The following BCAN variants were observed in gnomAD, a reference collection of about 807,000 sequenced individuals.
BCAN encodes the protein brevican.
A neutral mutation model predicts 92.4 loss-of-function variants in BCAN; 51 were observed. The ratio of observed to expected loss-of-function variants is 0.55; its 90% CI spans 0.44 to 0.70. BCAN has a LOEUF of 0.70. Among genes scored for constraint, BCAN ranks in the 30% least tolerant of loss-of-function variants. The pLI, the probability that BCAN is intolerant of heterozygous loss-of-function variation, is 0.00. For missense variants in BCAN, 1,140 were observed against 1,212.1 expected (o/e 0.94, Z 0.88); for synonymous variants, 501 against 505.2 (o/e 0.99, Z 0.11).
Position 156,657,020 on chromosome 1 carries a change from G to A in BCAN, c.2133G>A (p.Glu711=). 6.2e-7 allele frequency: 1 copy of A among 1,614,232 alleles called. No individual in the cohort carries two copies. Among genetic ancestry groups the A allele is most frequent in the South Asian group, 1.1e-5 (1 of 91,088 alleles). ...TTTCCACACGAAGGAGCTGGGAGGA[G>A]GCAGAGACCCAGTGCCGGATGTACG... ...KHFSTRRSWE[E]AETQCRMYGA... The change falls in exon 10 of 14, where the codon GAG becomes GAA. Residue 711 remains glutamate (E), a synonymous_variant. Transcript: ENST00000329117.
intron 8 of BCAN, 147 bp downstream of exon 8, chr1:156,653,039 C>G (rs543422308): frequency 9.3e-6 from 14 of 1,501,638 alleles, no homozygotes; most frequent in Non-Finnish European, 1.1e-5. Context: ...CCACCTCTAC[C>G]TATGGGTCTC....
Position 156,658,685 on chromosome 1 carries a change from G to T in BCAN, c.2580G>T (p.Glu860Asp), listed in dbSNP as rs1286378381. ...QRNLPLIRCQ[E>D]NGRWEAPQIS... is the part of the protein sequence containing the mutation. ...ATCTGCCGCTGATCCGATGCCAAGA[G>T]AACGGTCGTTGGGAGGCCCCCCAGA... is the stretch of plus-strand genomic sequence containing the variant. Residue 860 changes from glutamate to aspartate, a missense_variant, in exon 13 of 14, where the codon GAG (glutamate) becomes GAT (aspartate). This residue lies in a region of BCAN where 825 missense variants were observed against 871.8 expected (regional missense o/e 0.95). Coordinates refer to ENST00000329117, the MANE Select transcript of BCAN (RefSeq NM_021948.5). The surrounding 1 kb of genome is among the most constrained non-coding windows in gnomAD (Gnocchi z 4.4). The T allele has an allele frequency of 6.2e-7, 1 of 1,614,170 alleles. No homozygotes were observed. Among genetic ancestry groups the T allele is most frequent in the Non-Finnish European group, 8.5e-7 (1 of 1,180,052 alleles).
intron 2 of BCAN, 144 bp from the exon 3 acceptor site, chr1:156,646,656 GC>G: frequency 3.4e-6 from 2 of 583,832 alleles, no homozygotes; most frequent in South Asian, 4.3e-5. Flanking sequence ...CAGGACCCTG[GC>G]CCCTGGCCCC....
At chr1:156,653,457 A>G (rs781415627) in intron 8 of BCAN, 5 of 988,274 alleles carry the variant, frequency 5.1e-6, no homozygotes, top group Non-Finnish European at 6.0e-6. Flanking sequence ...TCTCTATTAA[A>G]CCGCTTTGTA....
rs878881650 is a variant in BCAN, at chr1:156,658,855, AG to A, written c.2628+124del. ...TTGGAGCCATCACTGCCCCTCTCTG[AG>A]GCAAAGGGGAAGAGGTGGGCTGGAG... On this transcript the variant is annotated intron_variant, in intron 13 of 13. Transcript: ENST00000329117. This position sits in a 1 kb window ranked among gnomAD's most constrained non-coding sequence, Gnocchi z 4.4. The A allele has an allele frequency of 2.5e-5, 36 of 1,443,934 alleles. 1 individual carries two copies. The South Asian group carries it at 4.0e-4, about 16-fold the overall frequency. 89.4% of individuals were successfully genotyped at this position (1,443,934 alleles called of 1,614,324 possible).
Position 156,644,711 on chromosome 1 carries a change from G to C in BCAN, c.-8-1336G>C, listed in dbSNP as rs558126702. ...AAGTAGGAAATTTCCCATCATCTCA[G>C]GCTTAGGAAAGTGCAGGGACAGGTA... On this transcript the variant is annotated intron_variant, in intron 1 of 13. Transcript: ENST00000329117. The C allele has an allele frequency of 2.0e-5, 3 of 152,378 alleles. No homozygotes were observed. In the South Asian group the frequency reaches 6.2e-4, roughly 32 times the overall value. 9.4% of individuals were successfully genotyped at this position (152,378 alleles called of 1,614,324 possible).
chr1:156,656,728 T>C (rs1349365254), intron 9 of BCAN: 1 of 638,978 alleles, frequency 1.6e-6, no homozygotes, highest in Non-Finnish European at 2.6e-6. Context: ...CTGGTTCCTG[T>C]CTCTTAGAAA....
rs1420271354 is a variant in BCAN at position 156,656,780 on chromosome 1, C to T, written c.2051-158C>T. ...GCCCAAGAGCCCCTCCAGGCTCCTGCTACCCCCTCATTCTCTACTAGCTCT... is the reference window on the plus strand; with the variant it reads ...GCCCAAGAGCCCCTCCAGGCTCCTGTTACCCCCTCATTCTCTACTAGCTCT... On this transcript the variant is annotated intron_variant, in intron 9 of 13. Coordinates refer to ENST00000329117, the MANE Select transcript of BCAN (RefSeq NM_021948.5). The T allele has an allele frequency of 3.0e-6, 3 of 1,012,648 alleles. No homozygotes were observed. The South Asian group carries it at 5.6e-5, about 19-fold the overall frequency. The allele number at this position is 1,012,648 out of a possible 1,614,324, so 62.7% of individuals were successfully genotyped here. A position where few individuals can be genotyped will look rare whatever the true frequency, so the allele number is the denominator to read the frequency against.
At position 156,646,935 on chromosome 1, in the gene BCAN, C is replaced by T; in HGVS notation, c.226C>T (p.Arg76Trp). The stretch of plus-strand genomic sequence containing the variant: ...CCGCCGGGCTGTGCTGGGCTCTCCG[C>T]GGGTCAAGTGGACTTTCCTGTCCCG... ...PSRRAVLGSPRVKWTFLSRGR... is the reference protein window; with the variant it reads ...PSRRAVLGSPWVKWTFLSRGR... The change falls in exon 3 of 14, where the codon CGG becomes TGG. Residue 76 changes from arginine to tryptophan, a missense_variant. This residue lies in a region of BCAN where 286 missense variants were observed against 284.1 expected (regional missense o/e 1.01). Coordinates refer to ENST00000329117, the MANE Select transcript of BCAN (RefSeq NM_021948.5). 1 of 1,612,664 alleles carries T rather than the reference C, an allele frequency of 6.2e-7. No individual in the cohort carries two copies. Among genetic ancestry groups the T allele is most frequent in the Non-Finnish European group, 8.5e-7 (1 of 1,179,600 alleles).
Position 156,647,348 on chromosome 1 carries a change from G to A in BCAN, c.467-160G>A. 9.0e-7 allele frequency: 1 copy of A among 1,108,328 alleles called. No homozygotes were observed. Among genetic ancestry groups the A allele is most frequent in the Non-Finnish European group, 1.3e-6 (1 of 792,044 alleles). 68.7% of individuals were successfully genotyped at this position (1,108,328 alleles called of 1,614,324 possible). On this transcript the variant is annotated intron_variant, in intron 3 of 13. Transcript: ENST00000329117. This position sits in a 1 kb window ranked among gnomAD's most constrained non-coding sequence, Gnocchi z 4.8. Reference sequence around the variant, plus strand: ...TGTTGTCTCCTTTCTCTCTTCAGGTGGAGGACATTCTACCCACAATCTAAC... The same window carrying A: ...TGTTGTCTCCTTTCTCTCTTCAGGTAGAGGACATTCTACCCACAATCTAAC...
intron 8 of BCAN, 122 bp downstream of exon 8, chr1:156,653,014 C>T: frequency 1.3e-6 from 2 of 1,525,554 alleles, no homozygotes; most frequent in Non-Finnish European, 1.8e-6. Context: ...CTGTCCTTTG[C>T]CTTCATTCTC....
At chr1:156,648,991 TC>T in intron 6 of BCAN, 130 bp downstream of exon 6, 1 of 1,109,622 alleles carries the variant, frequency 9.0e-7, no homozygotes, top group Non-Finnish European at 1.2e-6. Flanking sequence ...GTGGGTGAAG[TC>T]CAGCTTGTCA....
chr1:156,654,058 A>G (rs1170638395), intron 8 of BCAN, among the ~76,000 whole-genome samples: 1 of 151,998 alleles, frequency 6.6e-6, no homozygotes, highest in Non-Finnish European at 1.5e-5. Context: ...TGCACTAATG[A>G]TCATTCCCTA....
At chr1:156,650,044 A>T in intron 6 of BCAN, 2 of 434,754 alleles carry the variant, frequency 4.6e-6, no homozygotes, top group Non-Finnish European at 9.2e-6. Context: ...CTGTGGACAT[A>T]TTTGGCTGGG....
Position 156,651,551 on chromosome 1 carries a change from C to G in BCAN, c.1159C>G (p.Leu387Val). The change falls in exon 7 of 14, where the codon CTG (leucine) becomes GTG (valine). Residue 387 changes from leucine (L) to valine (V), a missense_variant. Around this residue, in one of 3 missense-constraint regions of BCAN, gnomAD observed 825 missense variants for 871.8 expected, o/e 0.95. Transcript: ENST00000329117. ...LEAIVTVTET[L>V]EELQLPQEAT... is the part of the protein sequence containing the mutation. ...GGCTATCGTCACAGTGACAGAGACC[C>G]TGGAGGAACTGCAGCTGCCTCAGGA... The G allele has an allele frequency of 2.5e-6, 4 of 1,614,010 alleles. No individual in the cohort carries two copies. Among genetic ancestry groups the G allele is most frequent in the Admixed American group, 1.7e-5 (1 of 60,016 alleles).
chr1:156,657,977 C>T, intron 11 of BCAN, 150 bp from the exon 12 acceptor site: 1 of 1,003,838 alleles, frequency 1.0e-6, no homozygotes, highest in Non-Finnish European at 1.4e-6. Context: ...CTGCCCTCTC[C>T]TTTCCCCTTC....
chr1:156,646,296 C>T, intron 2 of BCAN, 151 bp downstream of exon 2: 1 of 743,902 alleles, frequency 1.3e-6, no homozygotes, highest in Non-Finnish European at 2.1e-6. Context: ...GAGCTGTGAG[C>T]ATCTGGTGGG....
At chr1:156,657,600 C>G (rs538980901) in intron 10 of BCAN, 75 bp from the exon 11 acceptor site, 3 of 1,319,592 alleles carry the variant, frequency 2.3e-6, no homozygotes, top group African/African-American at 3.0e-5. Context: ...AGGCAGTCAC[C>G]GCAGACCGCC....
chr1:156,652,429 C>T lies in BCAN; in HGVS notation c.1479C>T (p.Ala493=), dbSNP rs775390953. 3 of 1,604,660 alleles carry T rather than the reference C, an allele frequency of 1.9e-6. No homozygotes were observed. Among genetic ancestry groups the T allele is most frequent in the South Asian group, 1.1e-5 (1 of 89,914 alleles). Residue 493 remains alanine (A), a synonymous_variant, in exon 8 of 14, where the codon GCC becomes GCT. Transcript: ENST00000329117. ...PSELSSPGPE[A]SLPTEPAAQE... is the part of the protein sequence containing the mutation. ...AGCTCAGCAGCCCGGGCCCTGAGGC[C>T]TCTCTCCCCACTGAGCCAGCAGCCC... is the stretch of plus-strand genomic sequence containing the variant.
Sources: allele counts gnomAD v4.1 joint callset (sites outside exome capture counted in the v4.1 genomes callset), GRCh38; gene constraint gnomAD v4.1.1; regional missense constraint gnomAD v4.1.1; non-coding constraint Gnocchi (gnomAD v3.1); transcripts MANE v1.5; gene names NCBI Gene and HGNC (gene_info 2026-07-23, HGNC 2026-07-21).